COG5: variants seen among roughly 807,000 people sequenced by gnomAD.
COG5 encodes conserved oligomeric Golgi complex subunit 5.
COG5 carries 86 observed loss-of-function variants against 110.4 expected under a neutral mutation model. The observed-to-expected ratio is 0.78, with a 90% CI of 0.65 to 0.93. The LOEUF is 0.93. Among genes scored for constraint, COG5 ranks in the 40% least tolerant of loss-of-function variants. The pLI, the probability that COG5 is intolerant of heterozygous loss-of-function variation, is 0.00. For missense variants in COG5, 1,077 were observed against 987.0 expected, an observed-to-expected ratio of 1.09 and a Z score of -1.22; for synonymous variants, 360 against 334.6, an observed-to-expected ratio of 1.08 and a Z score of -0.83.
In COG5 at chr7:107,512,788, C is replaced by A. The variant is rs1365519575; in HGVS notation, c.538+14449G>T. Among the ~76,000 whole-genome samples the A allele has an allele frequency of 4.6e-4, 69 of 151,612 alleles. 2 individuals carry two copies. The highest frequency in any genetic ancestry group is 4.0e-3 in the South Asian group (19 of 4,784). On this transcript the variant is annotated intron_variant, in intron 6 of 21. Coordinates refer to ENST00000297135, the MANE Select transcript of COG5 (RefSeq NM_006348.5). ...CTTTGACAAACCTGACAAAAACAAGCAATGGGGAAAGGATTCCCTATTTAA... is the reference window on the plus strand; with the variant it reads ...CTTTGACAAACCTGACAAAAACAAGAAATGGGGAAAGGATTCCCTATTTAA...
At chr7:107,424,276 A>G (rs1183442996) in intron 6 of COG5, among the ~76,000 whole-genome samples, 2 of 152,096 alleles carry the variant, frequency 1.3e-5, no homozygotes, top group East Asian at 1.9e-4. Flanking sequence ...CTGTCTCCAA[A>G]TAAAAAATAA....
intron 6 of COG5, among the ~76,000 whole-genome samples, chr7:107,499,855 T>C (rs985715625): frequency 1.3e-5 from 2 of 152,168 alleles, no homozygotes; most frequent in Non-Finnish European, 2.9e-5. Flanking sequence ...CCTTTGCATC[T>C]ACATTTTTTT....
intron 6 of COG5, among the ~76,000 whole-genome samples, chr7:107,459,557 G>C (rs558037905): frequency 6.6e-6 from 1 of 152,164 alleles, no homozygotes; most frequent in Admixed American, 6.5e-5. Flanking sequence ...AGCACTTTGA[G>C]AGGCCAGGGC....
intron 6 of COG5, among the ~76,000 whole-genome samples, chr7:107,500,398 T>A (rs558389041): frequency 6.6e-6 from 1 of 152,204 alleles, no homozygotes; most frequent in East Asian, 1.9e-4. Flanking sequence ...ATCTCTGTAA[T>A]TGCTACAGAA....
intron 10 of COG5, among the ~76,000 whole-genome samples, chr7:107,350,900 C>T (rs1284846716): frequency 6.6e-6 from 1 of 152,158 alleles, no homozygotes; most frequent in Non-Finnish European, 1.5e-5. Context: ...ACTCACAAAT[C>T]CTCACTACAG....
At chr7:107,398,599 T>A (rs1434416552) in intron 7 of COG5, among the ~76,000 whole-genome samples, 1 of 152,152 alleles carries the variant, frequency 6.6e-6, no homozygotes, top group Non-Finnish European at 1.5e-5. Context: ...AAAACTGTCT[T>A]CCATGAAACC....
At chr7:107,490,325 T>C (rs1039219557) in intron 6 of COG5, among the ~76,000 whole-genome samples, 4 of 152,152 alleles carry the variant, frequency 2.6e-5, no homozygotes, top group African/African-American at 9.7e-5. Context: ...CCACGGTGTC[T>C]TGCCAGTGTC....
chr7:107,375,528 T>A (rs768346528), intron 7 of COG5, among the ~76,000 whole-genome samples: 1 of 152,082 alleles, frequency 6.6e-6, no homozygotes, highest in Non-Finnish European at 1.5e-5. Context: ...AAATGATCAT[T>A]CCTTTAATTC....
At chr7:107,553,159 A>T (rs1803052135) in intron 3 of COG5, among the ~76,000 whole-genome samples, 1 of 152,180 alleles carries the variant, frequency 6.6e-6, no homozygotes, top group African/African-American at 2.4e-5. Context: ...CCTGGGTGAC[A>T]GGATCATTTG....
At chr7:107,261,112 C>T (rs79328953) in intron 14 of COG5, among the ~76,000 whole-genome samples, 28,719 of 152,034 alleles carry the variant, frequency 0.19, 2,835 homozygotes, top group Non-Finnish European at 0.22. Context: ...TGGCTCTCTA[C>T]ATATGCAGGT....
chr7:107,546,619 T>C (rs935076094), intron 5 of COG5, among the ~76,000 whole-genome samples: 1 of 150,128 alleles, frequency 6.7e-6, no homozygotes, highest in African/African-American at 2.4e-5. Flanking sequence ...GTGTTTTGAA[T>C]AGATAAATCA....
intron 19 of COG5, among the ~76,000 whole-genome samples, chr7:107,217,642 A>G (rs559353994): frequency 1.6e-4 from 25 of 152,166 alleles, no homozygotes; most frequent in Non-Finnish European, 3.5e-4. Flanking sequence ...GACAAAAACC[A>G]TATGATCATT....
intron 11 of COG5, among the ~76,000 whole-genome samples, chr7:107,323,199 T>C (rs2129026658): frequency 6.6e-6 from 1 of 152,278 alleles, no homozygotes; most frequent in Admixed American, 6.5e-5. Context: ...ATATACGATA[T>C]TTATTCCCTC....
At chr7:107,204,156 C>T (rs189551290) in intron 21 of COG5, among the ~76,000 whole-genome samples, 1 of 152,190 alleles carries the variant, frequency 6.6e-6, no homozygotes, top group Non-Finnish European at 1.5e-5. Flanking sequence ...TGGCAAAATA[C>T]ATGATCGGGA....
chr7:107,292,547 C>T (rs943068371), intron 12 of COG5, among the ~76,000 whole-genome samples: 1 of 152,158 alleles, frequency 6.6e-6, no homozygotes, highest in Non-Finnish European at 1.5e-5. Flanking sequence ...TGAGATATAA[C>T]AAAAGCCTAC....
intron 11 of COG5, among the ~76,000 whole-genome samples, chr7:107,318,436 A>G (rs1808956584): frequency 6.6e-6 from 1 of 152,224 alleles, no homozygotes; most frequent in Non-Finnish European, 1.5e-5. Context: ...AGCCACCCCA[A>G]GGTTTTAAAA....
intron 19 of COG5, among the ~76,000 whole-genome samples, chr7:107,219,260 A>G (rs1011335252): frequency 6.6e-6 from 1 of 152,210 alleles, no homozygotes; most frequent in Non-Finnish European, 1.5e-5. Flanking sequence ...TAATACAACC[A>G]TTTTGGAAAA....
chr7:107,361,562 GTTTA>G (rs1813116620), intron 10 of COG5, among the ~76,000 whole-genome samples: 3 of 152,020 alleles, frequency 2.0e-5, no homozygotes, highest in Admixed American at 6.6e-5. Context: ...ATTTATTTTA[GTTTA>G]TTTATTTATT....
intron 6 of COG5, among the ~76,000 whole-genome samples, chr7:107,452,630 C>T (rs570935292): frequency 1.3e-5 from 2 of 152,256 alleles, no homozygotes; most frequent in East Asian, 3.9e-4. Flanking sequence ...CCATGAGAGA[C>T]ATGACTTTCT....
Sources: gnomAD v4.1 joint callset for allele counts (sites outside exome capture counted in the v4.1 genomes callset) on GRCh38, gnomAD v4.1.1 for gene constraint, MANE v1.5 for transcripts, NCBI Gene and HGNC (gene_info 2026-07-23, HGNC 2026-07-21) for gene names.